The following NAALADL2 variants were observed in gnomAD, a reference collection of about 807,000 sequenced individuals.
The protein encoded by NAALADL2 is inactive N-acetylated-alpha-linked acidic dipeptidase-like protein 2.
In NAALADL2, 76 loss-of-function variants were observed where a neutral mutation model predicts 87.2. That is an observed-to-expected ratio of 0.87 (90% CI 0.72 to 1.05). The LOEUF (loss-of-function observed/expected upper bound fraction) is 1.05, where lower values mean the gene tolerates loss of function less well. Ranked by LOEUF, NAALADL2 falls within the 50% of genes least tolerant of loss-of-function variation. The pLI is 0.00. For missense variants in NAALADL2, 1,089 were observed against 945.8 expected (o/e 1.15, Z -1.99); for synonymous variants, 354 against 331.0 (o/e 1.07, Z -0.75).
At chr3:175,285,791 T>C (rs1392898735) in intron 4 of NAALADL2, among the ~76,000 whole-genome samples, 1 of 152,114 alleles carries the variant, frequency 6.6e-6, no homozygotes, top group African/African-American at 2.4e-5. Context: ...CATGTTATTA[T>C]GTGTATCACA....
intron 1 of NAALADL2, among the ~76,000 whole-genome samples, chr3:174,876,943 C>T (rs1437570437): frequency 6.6e-6 from 1 of 152,150 alleles, no homozygotes; most frequent in East Asian, 1.9e-4. Context: ...GGCTCTCTTC[C>T]TGGCTTGCAG....
chr3:175,169,189 A>G (rs1335185528), intron 2 of NAALADL2, among the ~76,000 whole-genome samples: 1 of 151,726 alleles, frequency 6.6e-6, no homozygotes, highest in Admixed American at 6.6e-5. Flanking sequence ...TATGCTTTCT[A>G]CAAATGCTTA....
chr3:175,035,459 G>C (rs114449087), intron 1 of NAALADL2, among the ~76,000 whole-genome samples: 30 of 152,232 alleles, frequency 2.0e-4, no homozygotes, highest in African/African-American at 7.2e-4. Flanking sequence ...TGTGACAAGG[G>C]ACAGGGTGTC....
chr3:174,861,721 G>A (rs1007658463), intron 1 of NAALADL2, among the ~76,000 whole-genome samples: 1 of 151,980 alleles, frequency 6.6e-6, no homozygotes, highest in African/African-American at 2.4e-5. Context: ...TTCACTGAAT[G>A]ATCTCTAGTT....
At chr3:175,257,712 A>G (rs902984811) in intron 4 of NAALADL2, among the ~76,000 whole-genome samples, 1 of 152,172 alleles carries the variant, frequency 6.6e-6, no homozygotes. Context: ...GATTTTCTGA[A>G]TATGCTATAA....
intron 2 of NAALADL2, among the ~76,000 whole-genome samples, chr3:174,659,093 C>T (rs1446908665): frequency 1.3e-5 from 2 of 152,006 alleles, no homozygotes; most frequent in African/African-American, 4.8e-5. Flanking sequence ...TGTTTATATC[C>T]TTACTTGGTC....
At chr3:174,471,112 A>T (rs559174291) in intron 1 of NAALADL2, among the ~76,000 whole-genome samples, 2 of 152,184 alleles carry the variant, frequency 1.3e-5, no homozygotes, top group African/African-American at 4.8e-5. Flanking sequence ...TGCAGTGTCT[A>T]TTAATTTGAT....
chr3:174,866,642 T>C (rs1218950500), intron 1 of NAALADL2, among the ~76,000 whole-genome samples: 1 of 151,726 alleles, frequency 6.6e-6, no homozygotes, highest in Non-Finnish European at 1.5e-5. Flanking sequence ...TAATGAAGGG[T>C]TCAGTGCAGT....
intron 5 of NAALADL2, among the ~76,000 whole-genome samples, chr3:175,352,813 T>A (rs1763917322): frequency 6.6e-6 from 1 of 152,132 alleles, no homozygotes; most frequent in South Asian, 2.1e-4. Flanking sequence ...TTTATGGGTA[T>A]GGGTATGGGT....
At chr3:174,495,315 T>TG (rs1718462015) in intron 1 of NAALADL2, among the ~76,000 whole-genome samples, 1 of 151,574 alleles carries the variant, frequency 6.6e-6, no homozygotes, top group African/African-American at 2.4e-5. Flanking sequence ...AGGCAATTCT[T>TG]GAGCAACAAT....
intron 13 of NAALADL2, among the ~76,000 whole-genome samples, chr3:175,772,599 C>G (rs1749650130): frequency 6.6e-6 from 1 of 152,098 alleles, no homozygotes; most frequent in African/African-American, 2.4e-5. Context: ...GAGACACCAG[C>G]GCGAGCGGAC....
intron 1 of NAALADL2, among the ~76,000 whole-genome samples, chr3:174,469,828 T>C (rs1038795963): frequency 1.3e-5 from 2 of 152,184 alleles, no homozygotes; most frequent in African/African-American, 2.4e-5. Context: ...TATCAGTTCC[T>C]TTGGTATCTA....
chr3:175,518,380 A>C (rs764831111), intron 9 of NAALADL2, among the ~76,000 whole-genome samples: 1 of 152,252 alleles, frequency 6.6e-6, no homozygotes, highest in African/African-American at 2.4e-5. Flanking sequence ...AAGCAGGAAG[A>C]GCACCTATAA....
At chr3:174,609,217 G>A (rs1258368437) in intron 2 of NAALADL2, among the ~76,000 whole-genome samples, 3 of 152,072 alleles carry the variant, frequency 2.0e-5, no homozygotes, top group Non-Finnish European at 2.9e-5. Flanking sequence ...ATATTGAATG[G>A]GCAAAAACTG....
At chr3:175,388,714 A>G (rs1268277810) in intron 5 of NAALADL2, among the ~76,000 whole-genome samples, 1 of 152,038 alleles carries the variant, frequency 6.6e-6, no homozygotes, top group Non-Finnish European at 1.5e-5. Context: ...ACTCATATAA[A>G]TTTTGGTTTC....
At chr3:175,008,442 T>C (rs112296197) in intron 1 of NAALADL2, among the ~76,000 whole-genome samples, 1 of 152,164 alleles carries the variant, frequency 6.6e-6, no homozygotes, top group African/African-American at 2.4e-5. Context: ...ATTTCTGGAC[T>C]GTGTTCTACC....
At chr3:174,994,665 T>C (rs1747191025) in intron 1 of NAALADL2, among the ~76,000 whole-genome samples, 1 of 152,110 alleles carries the variant, frequency 6.6e-6, no homozygotes, top group South Asian at 2.1e-4. Context: ...TGTAAGAGAA[T>C]AGTAAAAACG....
At chr3:174,742,872 A>G (rs765663460) in intron 3 of NAALADL2, among the ~76,000 whole-genome samples, 2 of 151,734 alleles carry the variant, frequency 1.3e-5, no homozygotes, top group Non-Finnish European at 3.0e-5. Flanking sequence ...CTGTTATTTA[A>G]TACAAAATAA....
At chr3:174,576,628 A>G (rs1715553971) in intron 2 of NAALADL2, among the ~76,000 whole-genome samples, 1 of 152,276 alleles carries the variant, frequency 6.6e-6, no homozygotes, top group African/African-American at 2.4e-5. Flanking sequence ...ATATTTCTTT[A>G]CTGTTCTTAT....
Sources: allele counts gnomAD v4.1 joint callset (sites outside exome capture counted in the v4.1 genomes callset), GRCh38; gene constraint gnomAD v4.1.1; transcripts MANE v1.5; gene names NCBI Gene and HGNC (gene_info 2026-07-23, HGNC 2026-07-21).